IFT88: variants seen among roughly 807,000 people sequenced by gnomAD.
IFT88 encodes intraflagellar transport 88.
In IFT88, 74 loss-of-function variants were observed where a neutral mutation model predicts 119.5. That is an observed-to-expected ratio of 0.62 (90% confidence interval 0.51 to 0.75). The LOEUF is 0.75. Ranked by LOEUF, IFT88 falls within the 30% of genes least tolerant of loss-of-function variation. The pLI, the probability that IFT88 is intolerant of heterozygous loss-of-function variation, is 0.00. For missense variants in IFT88, 961 were observed against 977.7 expected (o/e 0.98, Z 0.23); for synonymous variants, 279 against 316.7 (o/e 0.88, Z 1.26).
At chr13:20,613,385 A>G (rs2044958387) in intron 13 of IFT88, among the ~76,000 whole-genome samples, 1 of 151,616 alleles carries the variant, frequency 6.6e-6, no homozygotes, top group Non-Finnish European at 1.5e-5. Context: ...AACTGCAGTG[A>G]GATACTACTT....
At chr13:20,580,992 T>C (rs1304247492) in intron 2 of IFT88, among the ~76,000 whole-genome samples, 1 of 152,144 alleles carries the variant, frequency 6.6e-6, no homozygotes, top group Admixed American at 6.5e-5. Flanking sequence ...CCCAAAGTTC[T>C]GGGATTACAG....
chr13:20,597,747 A>G (rs957982581), intron 9 of IFT88, among the ~76,000 whole-genome samples: 1 of 140,482 alleles, frequency 7.1e-6, no homozygotes, highest in Non-Finnish European at 1.6e-5. Context: ...CTCCGTCTCA[A>G]AAAAAAAATA....
chr13:20,635,572 G>A (rs2480425), intron 16 of IFT88, among the ~76,000 whole-genome samples: 48 of 152,100 alleles, frequency 3.2e-4, no homozygotes, highest in African/African-American at 8.7e-4. Flanking sequence ...CTCTTGGCTC[G>A]GCCTTCTGAG....
At chr13:20,630,506 A>G (rs2048038083) in intron 15 of IFT88, among the ~76,000 whole-genome samples, 1 of 152,178 alleles carries the variant, frequency 6.6e-6, no homozygotes, top group African/African-American at 2.4e-5. Context: ...TGCCCACCCC[A>G]TTATGCAGAA....
rs550068365 is a variant in IFT88, at chr13:20,678,581, G to A, written c.2242+7542G>A. Among the ~76,000 whole-genome samples, 12 of 152,272 alleles carry A rather than the reference G, an allele frequency of 7.9e-5. No individual in the cohort carries two copies. The East Asian group carries it at 1.7e-3, about 22-fold the overall frequency. ...TTGTTTGTGGCTTGAGCAGTTTTCCGCTCCGGAGGGGCCAGGTTTTCCTTG... is the reference window on the plus strand; with the variant it reads ...TTGTTTGTGGCTTGAGCAGTTTTCCACTCCGGAGGGGCCAGGTTTTCCTTG... On this transcript the variant is annotated intron_variant, in intron 24 of 25. Coordinates refer to ENST00000351808, the MANE Select transcript of IFT88 (RefSeq NM_006531.5).
At chr13:20,666,955 A>T (rs1216641129) in intron 23 of IFT88, among the ~76,000 whole-genome samples, 1 of 152,190 alleles carries the variant, frequency 6.6e-6, no homozygotes, top group Non-Finnish European at 1.5e-5. Context: ...TTAAAACACA[A>T]ATGAGATTTT....
At chr13:20,628,746 ACCCATT>A (rs1363098453) in intron 15 of IFT88, among the ~76,000 whole-genome samples, 1 of 152,204 alleles carries the variant, frequency 6.6e-6, no homozygotes, top group Admixed American at 6.5e-5. Flanking sequence ...GTCAAGTGAT[ACCCATT>A]TAGGATGTTT....
At chr13:20,626,052 T>C (rs1955121386) in intron 15 of IFT88, among the ~76,000 whole-genome samples, 1 of 33,718 alleles carries the variant, frequency 3.0e-5, no homozygotes, top group African/African-American at 8.9e-5. Flanking sequence ...TCTTTTTTTT[T>C]TTTTTTTTTT....
At chr13:20,580,484 A>G (rs905376803) in intron 2 of IFT88, among the ~76,000 whole-genome samples, 1 of 151,752 alleles carries the variant, frequency 6.6e-6, no homozygotes, top group Non-Finnish European at 1.5e-5. Flanking sequence ...GCCATTGCAC[A>G]ATGAGCCAAG....
intron 13 of IFT88, among the ~76,000 whole-genome samples, chr13:20,610,270 G>A (rs922151554): frequency 2.0e-5 from 3 of 152,074 alleles, no homozygotes; most frequent in Non-Finnish European, 1.5e-5. Context: ...GTCCCTGTTC[G>A]CTAGTCTGTT....
At chr13:20,597,555 T>C (rs1366309393) in intron 9 of IFT88, among the ~76,000 whole-genome samples, 9 of 151,884 alleles carry the variant, frequency 5.9e-5, no homozygotes, top group South Asian at 4.1e-4. Flanking sequence ...CCATCCTGGC[T>C]AACATGGTGA....
At chr13:20,650,961 T>C (rs1156852630) in intron 20 of IFT88, among the ~76,000 whole-genome samples, 1 of 152,166 alleles carries the variant, frequency 6.6e-6, no homozygotes, top group African/African-American at 2.4e-5. Flanking sequence ...TTGGCACCTT[T>C]GTTGGAAATC....
intron 1 of IFT88, among the ~76,000 whole-genome samples, chr13:20,572,385 G>T (rs2036545764): frequency 6.6e-6 from 1 of 151,968 alleles, no homozygotes; most frequent in East Asian, 1.9e-4. Context: ...TGCCCGGCTA[G>T]TTTTTGTATT....
intron 23 of IFT88, among the ~76,000 whole-genome samples, chr13:20,670,436 AAGT>A (rs2140976814): frequency 6.6e-6 from 1 of 152,250 alleles, no homozygotes; most frequent in East Asian, 1.9e-4. Context: ...GTATCTAAGA[AAGT>A]AGACTGTTGG....
chr13:20,622,931 T>G (rs1213021358), intron 14 of IFT88, among the ~76,000 whole-genome samples: 1 of 152,246 alleles, frequency 6.6e-6, no homozygotes, highest in Non-Finnish European at 1.5e-5. Context: ...CTTTGTGTTT[T>G]CTTCTAACAG....
At chr13:20,643,741 A>C (rs1026925374) in intron 19 of IFT88, 136 bp downstream of exon 19, 9 of 686,224 alleles carry the variant, frequency 1.3e-5, no homozygotes, top group Non-Finnish European at 2.2e-5. Context: ...ATTCTTGGAA[A>C]ATGAAGTTAG....
intron 24 of IFT88, among the ~76,000 whole-genome samples, chr13:20,679,618 AT>A (rs898024477): frequency 1.2e-4 from 19 of 152,346 alleles, no homozygotes; most frequent in African/African-American, 4.6e-4. Flanking sequence ...GACAAGTCAT[AT>A]GATGATTAGG....
chr13:20,594,629 A>G (rs902607591), intron 7 of IFT88, among the ~76,000 whole-genome samples: 1 of 152,138 alleles, frequency 6.6e-6, no homozygotes, highest in African/African-American at 2.4e-5. Context: ...TTCTATGTTG[A>G]TATTTTGAAT....
chr13:20,588,858 C>G (rs1315614895), intron 3 of IFT88, among the ~76,000 whole-genome samples: 3 of 152,132 alleles, frequency 2.0e-5, no homozygotes, highest in Non-Finnish European at 1.5e-5. Context: ...GGCTAGTATA[C>G]TATTATTTAC....
Sources: allele counts gnomAD v4.1 joint callset (sites outside exome capture counted in the v4.1 genomes callset), GRCh38; gene constraint gnomAD v4.1.1; transcripts MANE v1.5; gene names NCBI Gene and HGNC (gene_info 2026-07-23, HGNC 2026-07-21).